ANKRD18B: variants seen among roughly 807,000 people sequenced by gnomAD.
ANKRD18B encodes ankyrin repeat domain-containing protein 18B.
In ANKRD18B, 75 loss-of-function variants were observed where a neutral mutation model predicts 111.8. The observed-to-expected ratio is 0.67, with a 90% CI of 0.56 to 0.81. The LOEUF is 0.81. Ranked by LOEUF, ANKRD18B falls within the 40% of genes least tolerant of loss-of-function variation. The pLI is 0.00. For synonymous variants in ANKRD18B, 356 were observed against 417.3 expected, an observed-to-expected ratio of 0.85 and a Z score of 1.79; for missense variants, 1,038 against 1,225.5, an observed-to-expected ratio of 0.85 and a Z score of 2.28.
chr9:33,525,043 T>G (rs10813995), intron 1 of ANKRD18B, among the ~76,000 whole-genome samples: 1 of 152,062 alleles, frequency 6.6e-6, no homozygotes, highest in Admixed American at 6.5e-5. Flanking sequence ...CAAATCCACC[T>G]AGGTAGATAG....
At chr9:33,541,001 A>G in intron 8 of ANKRD18B, 146 bp from the exon 9 acceptor site, 1 of 932,064 alleles carries the variant, frequency 1.1e-6, no homozygotes, top group Non-Finnish European at 1.6e-6. Context: ...GATGCCATTC[A>G]CTTTTAAATT....
rs1020034199 is a variant in ANKRD18B at position 33,541,156 on chromosome 9, C to A, written c.1007C>A (p.Ala336Asp). The change falls in exon 9 of 19, where the codon GCT becomes GAT. Residue 336 changes from alanine to aspartate, a missense_variant. Physicochemically the swap from Ala to Asp is moderately radical, Grantham distance 126. This residue lies in a region of ANKRD18B where 93 missense variants were observed against 141.3 expected (regional missense o/e 0.66). Coordinates refer to ENST00000684830, the MANE Select transcript of ANKRD18B (RefSeq NM_001393611.1). ...TTTGCGTGTTTGACAGAAACAGCAG[C>A]TATGAAGCCTGAAAATTTGAAAAAA... Reference protein sequence around the residue: ...RHMRPCPETAAMKPENLKKRK... With the variant: ...RHMRPCPETADMKPENLKKRK... 1 of 1,538,382 alleles carries A rather than the reference C, an allele frequency of 6.5e-7. No homozygotes were observed. The highest frequency in any genetic ancestry group is 8.7e-7 in the Non-Finnish European group (1 of 1,143,400).
At position 33,548,269 on chromosome 9, in the gene ANKRD18B, A is replaced by G. The variant is rs1828392988; in HGVS notation, c.1481A>G (p.His494Arg). Residue 494 changes from histidine (H) to arginine (R), a missense_variant, in exon 11 of 19, where the codon CAT becomes CGT. Coordinates refer to ENST00000684830, the MANE Select transcript of ANKRD18B (RefSeq NM_001393611.1). Reference sequence around the variant, plus strand: ...CTAGAAGCTGAAGTTGAATCCCTCCATTCTAACTTGGCCACTGCTATAAAT... The same window carrying G: ...CTAGAAGCTGAAGTTGAATCCCTCCGTTCTAACTTGGCCACTGCTATAAAT... ...ERLEAEVESL[H>R]SNLATAINEY... The G allele has an allele frequency of 6.4e-7, 1 of 1,551,258 alleles. No homozygotes were observed. Among genetic ancestry groups the G allele is most frequent in the Non-Finnish European group, 8.7e-7 (1 of 1,146,694 alleles).
At chr9:33,574,756 A>C (rs1828836520), downstream of ANKRD18B, among the ~76,000 whole-genome samples, 1 of 152,134 alleles carries the variant, frequency 6.6e-6, no homozygotes, top group South Asian at 2.1e-4. Context: ...ACACACACAA[A>C]CACATGCATA....
chr9:33,540,823 T>A (rs573900181), intron 8 of ANKRD18B, among the ~76,000 whole-genome samples: 1 of 152,240 alleles, frequency 6.6e-6, no homozygotes, highest in South Asian at 2.1e-4. Flanking sequence ...TGTCAGTGAA[T>A]AGGCATGACT....
At position 33,534,668 on chromosome 9, in the gene ANKRD18B, T is replaced by G. The variant is rs1469717963; in HGVS notation, c.740+161T>G. Reference sequence around the variant, plus strand: ...CTTAGCCAGAAATCACACAGAAAGCTAGACTAGTTAGAAGTAGCAATGAGT... The same window carrying G: ...CTTAGCCAGAAATCACACAGAAAGCGAGACTAGTTAGAAGTAGCAATGAGT... On this transcript the variant is annotated intron_variant, in intron 5 of 18. Coordinates refer to ENST00000684830, the MANE Select transcript of ANKRD18B (RefSeq NM_001393611.1). Among the ~76,000 whole-genome samples the G allele has an allele frequency of 4.6e-5, 7 of 152,332 alleles. No homozygotes were observed. In the East Asian group the frequency reaches 1.3e-3, roughly 29 times the overall value.
At chr9:33,570,271 G>A (rs1450535887) in intron 17 of ANKRD18B, among the ~76,000 whole-genome samples, 1 of 152,104 alleles carries the variant, frequency 6.6e-6, no homozygotes, top group Admixed American at 6.6e-5. Context: ...ATAAACATGG[G>A]AACAATAGAC....
chr9:33,555,870 A>G (rs1196692738), intron 13 of ANKRD18B, 50 bp downstream of exon 13: 4 of 1,197,418 alleles, frequency 3.3e-6, no homozygotes, highest in Admixed American at 3.8e-5. Context: ...AATTGATTTA[A>G]CTCTAACTTT....
chr9:33,527,615 C>T (rs1177135348), intron 1 of ANKRD18B, among the ~76,000 whole-genome samples: 7 of 152,188 alleles, frequency 4.6e-5, no homozygotes, highest in African/African-American at 1.2e-4. Context: ...CCACCGCGCC[C>T]GGCCAGCTGC....
Position 33,528,725 on chromosome 9 carries a change from A to T in ANKRD18B, c.207-2A>T. The T allele has an allele frequency of 6.2e-7, 1 of 1,607,184 alleles. No individual in the cohort carries two copies. Among genetic ancestry groups the T allele is most frequent in the Non-Finnish European group, 8.5e-7 (1 of 1,176,948 alleles). On this transcript the variant is annotated splice_acceptor_variant, in intron 1 of 18. Transcript: ENST00000684830. LOFTEE classifies it high-confidence loss of function. ...TCCTGAAAACCCCTCTCGCTCTCCT[A>T]GGACTGTTCTACATTTGGCCTGTGC... is the stretch of plus-strand genomic sequence containing the variant.
chr9:33,563,002 G>C (rs376889753), intron 14 of ANKRD18B, among the ~76,000 whole-genome samples: 1 of 152,222 alleles, frequency 6.6e-6, no homozygotes, highest in Middle Eastern at 3.4e-3. Flanking sequence ...CTAACTTGAG[G>C]GGAAATTGTA....
intron 10 of ANKRD18B, among the ~76,000 whole-genome samples, chr9:33,545,375 C>T (rs1828338861): frequency 1.3e-5 from 2 of 152,150 alleles, no homozygotes; most frequent in South Asian, 4.1e-4. Context: ...AGACATTGGC[C>T]TCAGTCTGTA....
At chr9:33,534,570 T>A in intron 5 of ANKRD18B, 63 bp downstream of exon 5, 1 of 1,455,462 alleles carries the variant, frequency 6.9e-7, no homozygotes, top group Non-Finnish European at 9.0e-7. Context: ...TTATAACTAT[T>A]GCATCTTATA....
intron 11 of ANKRD18B, among the ~76,000 whole-genome samples, chr9:33,549,472 T>A (rs1247069432): frequency 1.3e-5 from 2 of 152,168 alleles, no homozygotes; most frequent in Non-Finnish European, 2.9e-5. Flanking sequence ...AAGAGCATAA[T>A]GAAGCAGGTA....
intron 13 of ANKRD18B, among the ~76,000 whole-genome samples, chr9:33,557,622 T>C (rs1025734065): frequency 2.0e-5 from 3 of 152,086 alleles, no homozygotes; most frequent in Non-Finnish European, 4.4e-5. Flanking sequence ...ACCCCATCTC[T>C]ACTAAAAATA....
At chr9:33,560,686 G>T (rs1457978649) in intron 14 of ANKRD18B, among the ~76,000 whole-genome samples, 5 of 152,084 alleles carry the variant, frequency 3.3e-5, no homozygotes, top group Middle Eastern at 3.2e-3. Flanking sequence ...GTAGGCCAGG[G>T]GTGTTGGCTC....
At position 33,547,984 on chromosome 9, in the gene ANKRD18B, T is replaced by C; in HGVS notation, c.1196T>C (p.Phe399Ser). The change falls in exon 11 of 19, where the codon TTT (phenylalanine) becomes TCT (serine). Residue 399 changes from phenylalanine (F) to serine (S), a missense_variant. By Grantham distance (155) the Phe-to-Ser change is radical. Around this residue, in one of 4 missense-constraint regions of ANKRD18B, gnomAD observed 205 missense variants for 201.3 expected, o/e 1.02. Transcript: ENST00000684830. ...GKKKDEMFGN[F>S]MLKRDIAMLK... ...AAGAAGGATGAGATGTTTGGAAATT[T>C]TATGTTGAAGAGAGACATTGCCATG... 4 of 1,468,116 alleles carry C rather than the reference T, an allele frequency of 2.7e-6. No individual in the cohort carries two copies. Among genetic ancestry groups the C allele is most frequent in the Non-Finnish European group, 3.6e-6 (4 of 1,109,832 alleles). The allele number at this position is 1,468,116 out of a possible 1,614,324, so 90.9% of individuals were successfully genotyped here.
At position 33,536,929 on chromosome 9, in the gene ANKRD18B, T is replaced by C; in HGVS notation, c.792T>C (p.Leu264=). 11 of 1,502,356 alleles carry C rather than the reference T, an allele frequency of 7.3e-6. No homozygotes were observed. The highest frequency in any genetic ancestry group is 1.3e-5 in the South Asian group (1 of 78,458). 93.1% of individuals were successfully genotyped at this position (1,502,356 alleles called of 1,614,324 possible). A position where few individuals can be genotyped will look rare whatever the true frequency, so the allele number is the denominator to read the frequency against. The stretch of plus-strand genomic sequence containing the variant: ...AAAATAAGATGCTTAAAAATCATCT[T>C]CGAAATGACAATCAAGGTAAGACTT... ...EHKNKMLKNH[L]RNDNQEAAAM... is the part of the protein sequence containing the mutation. Residue 264 remains leucine, a synonymous_variant, in exon 6 of 19, where the codon CTT becomes CTC. Transcript: ENST00000684830.
chr9:33,564,350 G>A (rs1481520857), intron 14 of ANKRD18B, among the ~76,000 whole-genome samples: 1 of 152,224 alleles, frequency 6.6e-6, no homozygotes, highest in East Asian at 1.9e-4. Flanking sequence ...CCTCCAGACT[G>A]ATCCACGTGG....
Sources: gnomAD v4.1 joint callset for allele counts (sites outside exome capture counted in the v4.1 genomes callset) on GRCh38, gnomAD v4.1.1 for gene constraint, gnomAD v4.1.1 regional missense constraint, MANE v1.5 for transcripts, NCBI Gene and HGNC (gene_info 2026-07-23, HGNC 2026-07-21) for gene names.